Variants in UNC5D observed in about 807,000 individuals in gnomAD.
UNC5D encodes unc-5 netrin receptor D.
UNC5D carries 39 observed loss-of-function variants against 105.4 expected under a neutral mutation model. That is an observed-to-expected ratio of 0.37 (90% CI 0.29 to 0.48). The LOEUF (loss-of-function observed/expected upper bound fraction) is 0.48. Among genes scored for constraint, UNC5D ranks in the 20% least tolerant of loss-of-function variants. The probability of loss-of-function intolerance (pLI) is 0.98; values close to 1 mark genes in which losing one functional copy is unlikely to be tolerated. For synonymous variants in UNC5D, 452 were observed against 450.4 expected, an observed-to-expected ratio of 1.00 and a Z score of -0.04; for missense variants, 991 against 1,202.4, an observed-to-expected ratio of 0.82 and a Z score of 2.60.
At chr8:35,731,399 CAAAAAAAAAAAA>C (rs57529561) in intron 11 of UNC5D, among the ~76,000 whole-genome samples, 7,933 of 30,646 alleles carry the variant, frequency 0.26, 607 homozygotes, top group East Asian at 0.47. Context: ...ACTCTGTCTC[CAAAAAAAAAAAA>C]AAAAAAAAAA....
At chr8:35,648,404 C>T (rs940948803) in intron 4 of UNC5D, among the ~76,000 whole-genome samples, 17 of 151,992 alleles carry the variant, frequency 1.1e-4, no homozygotes, top group Non-Finnish European at 2.4e-4. Flanking sequence ...TCTGGCAGTA[C>T]GTGGTGGCTT....
chr8:35,565,664 A>G (rs1258127283), intron 2 of UNC5D, among the ~76,000 whole-genome samples: 1 of 151,966 alleles, frequency 6.6e-6, no homozygotes, highest in Non-Finnish European at 1.5e-5. Context: ...GTCTACAATA[A>G]TTTTTCTAGG....
At chr8:35,247,588 A>G (rs1460620564) in intron 1 of UNC5D, among the ~76,000 whole-genome samples, 6 of 104,304 alleles carry the variant, frequency 5.8e-5, no homozygotes, top group African/African-American at 7.7e-5. Flanking sequence ...AAATATATAA[A>G]ATATATATAA....
intron 10 of UNC5D, chr8:35,726,755 CCT>C (rs1482572427): frequency 9.5e-6 from 6 of 634,590 alleles, no homozygotes; most frequent in African/African-American, 1.8e-5. Flanking sequence ...CCTTTGATTC[CCT>C]GTTAGAGCTG....
At chr8:35,366,060 A>G (rs1280863133) in intron 1 of UNC5D, among the ~76,000 whole-genome samples, 1 of 152,138 alleles carries the variant, frequency 6.6e-6, no homozygotes, top group Non-Finnish European at 1.5e-5. Context: ...CAAAAATATT[A>G]TGGATTTGGG....
chr8:35,786,051 C>G (rs6997157), intron 16 of UNC5D, among the ~76,000 whole-genome samples: 1 of 152,116 alleles, frequency 6.6e-6, no homozygotes, highest in Admixed American at 6.5e-5. Context: ...TCACTTACTG[C>G]GACCTTCTAG....
At chr8:35,308,689 C>T (rs1021757712) in intron 1 of UNC5D, among the ~76,000 whole-genome samples, 1 of 152,012 alleles carries the variant, frequency 6.6e-6, no homozygotes, top group Non-Finnish European at 1.5e-5. Flanking sequence ...CATGTTTATA[C>T]TAGAATTACA....
intron 7 of UNC5D, among the ~76,000 whole-genome samples, chr8:35,704,271 C>G (rs1467121957): frequency 1.3e-5 from 2 of 152,100 alleles, no homozygotes; most frequent in Non-Finnish European, 2.9e-5. Context: ...GATGGCAAAA[C>G]ACACTGGAGC....
chr8:35,296,155 T>G (rs182601646), intron 1 of UNC5D, among the ~76,000 whole-genome samples: 1 of 152,334 alleles, frequency 6.6e-6, no homozygotes, highest in Non-Finnish European at 1.5e-5. Context: ...GAGTTATTCC[T>G]TTTGTTTCCT....
In UNC5D at chr8:35,793,590, T is replaced by TA. The variant is rs1467924290; in HGVS notation, c.*3028dup. On this transcript the variant is annotated 3_prime_UTR_variant, in exon 17 of 17. Coordinates refer to ENST00000404895, the MANE Select transcript of UNC5D (RefSeq NM_080872.4). ...TCATGCTTTAAATATGGCTTTAAAT[T>TA]ATGCCACCAAAATGGTGCACTTCAC... is the stretch of plus-strand genomic sequence containing the variant. 6.5e-6 allele frequency: 1 copy of TA among 153,642 alleles called. No homozygotes were observed. The highest frequency in any genetic ancestry group is 2.4e-5 in the African/African-American group (1 of 41,446). The allele number at this position is 153,642 out of a possible 1,614,324, so 9.5% of individuals were successfully genotyped here. A position where few individuals can be genotyped will look rare whatever the true frequency, so the allele number is the denominator to read the frequency against.
chr8:35,774,357 C>T lies in UNC5D; in HGVS notation c.2537C>T (p.Thr846Ile). Residue 846 changes from threonine to isoleucine, a missense_variant, in exon 16 of 17, where the codon ACT (threonine) becomes ATT (isoleucine). By Grantham distance (89) the Thr-to-Ile change is moderately conservative. Transcript: ENST00000404895. Reference protein sequence around the residue: ...AQEDSTFPAQTGPKAFKIPYS... With the variant: ...AQEDSTFPAQIGPKAFKIPYS... ...GAGGACAGCACTTTCCCTGCACAGA[C>T]TGGCCCCAAAGCCTTCAAAATTCCC... 6.2e-7 allele frequency: 1 copy of T among 1,614,146 alleles called. No homozygotes were observed. The highest frequency in any genetic ancestry group is 8.5e-7 in the Non-Finnish European group (1 of 1,180,002).
chr8:35,570,991 G>A (rs917670548), intron 3 of UNC5D, among the ~76,000 whole-genome samples: 3 of 151,524 alleles, frequency 2.0e-5, no homozygotes, highest in Admixed American at 2.0e-4. Context: ...GAGAAAGAAT[G>A]TAAAATATAT....
chr8:35,264,470 G>A (rs1222524855), intron 1 of UNC5D, among the ~76,000 whole-genome samples: 4 of 152,200 alleles, frequency 2.6e-5, no homozygotes, highest in Non-Finnish European at 4.4e-5. Context: ...GCTCATGCCT[G>A]TCATTCCAGC....
rs745320165 is a variant in UNC5D, at chr8:35,722,405, A to G, written c.1303+10A>G. 1.9e-6 allele frequency: 3 copies of G among 1,612,054 alleles called. No homozygotes were observed. Among genetic ancestry groups the G allele is most frequent in the Non-Finnish European group, 2.5e-6 (3 of 1,179,172 alleles). On this transcript the variant is annotated intron_variant, in intron 9 of 16. Transcript: ENST00000404895. ...AAAACAGTCCGTCAAGGTCAGCGGC[A>G]TAGGTCCCTCCACACCTCGTCCTCA... is the stretch of plus-strand genomic sequence containing the variant.
chr8:35,235,985 C>A (rs1021226235), intron 1 of UNC5D, 98 bp downstream of exon 1: 22 of 1,058,534 alleles, frequency 2.1e-5, no homozygotes, highest in African/African-American at 1.6e-5. Context: ...TCCCAACTTG[C>A]GCCCTGCACC....
At chr8:35,628,167 T>G (rs1053449124) in intron 4 of UNC5D, among the ~76,000 whole-genome samples, 1 of 152,166 alleles carries the variant, frequency 6.6e-6, no homozygotes, top group Non-Finnish European at 1.5e-5. Context: ...TGAGTCTCAC[T>G]CTGTTGCTCA....
At chr8:35,320,233 T>C (rs1809627207) in intron 1 of UNC5D, among the ~76,000 whole-genome samples, 1 of 151,992 alleles carries the variant, frequency 6.6e-6, no homozygotes, top group Non-Finnish European at 1.5e-5. Flanking sequence ...TTCCAGGTTA[T>C]AGGTGGTTCA....
At chr8:35,612,723 C>CT (rs57450378) in intron 4 of UNC5D, among the ~76,000 whole-genome samples, 4,343 of 64,586 alleles carry the variant, frequency 0.067, 73 homozygotes, top group East Asian at 0.1. Context: ...AATGTTTTGC[C>CT]TTTTTTTTTT....
chr8:35,572,948 C>T (rs962641972), intron 3 of UNC5D, among the ~76,000 whole-genome samples: 16 of 152,082 alleles, frequency 1.1e-4, no homozygotes, highest in Admixed American at 3.3e-4. Flanking sequence ...GGACTACAGG[C>T]GCCCGCCACC....
Sources: gnomAD v4.1 joint callset for allele counts (sites outside exome capture counted in the v4.1 genomes callset) on GRCh38, gnomAD v4.1.1 for gene constraint, MANE v1.5 for transcripts, NCBI Gene and HGNC (gene_info 2026-07-23, HGNC 2026-07-21) for gene names.